Variants in ABHD18 observed in about 807,000 individuals in gnomAD.
ABHD18 encodes abhydrolase domain containing 18.
A neutral mutation model predicts 65.9 loss-of-function variants in ABHD18; 55 were observed. The ratio of observed to expected loss-of-function variants is 0.84; its 90% confidence interval spans 0.67 to 1.05. The LOEUF (loss-of-function observed/expected upper bound fraction) is 1.05, where lower values mean the gene tolerates loss of function less well. Ranked by LOEUF, ABHD18 falls within the 50% of genes least tolerant of loss-of-function variation. The probability of loss-of-function intolerance (pLI) is 0.00; values close to 1 mark genes in which losing one functional copy is unlikely to be tolerated. For synonymous variants in ABHD18, 181 were observed against 180.2 expected, an observed-to-expected ratio of 1.00 and a Z score of -0.04; for missense variants, 533 against 558.5, an observed-to-expected ratio of 0.95 and a Z score of 0.46.
At chr4:128,023,672 A>G (rs1237381780) in intron 10 of ABHD18, among the ~76,000 whole-genome samples, 1 of 151,986 alleles carries the variant, frequency 6.6e-6, no homozygotes, top group Admixed American at 6.6e-5. Flanking sequence ...CGAGGTCAGG[A>G]GATCGAGACC....
chr4:128,016,499 G>T (rs1279422879), intron 7 of ABHD18, among the ~76,000 whole-genome samples: 1 of 152,086 alleles, frequency 6.6e-6, no homozygotes, highest in Non-Finnish European at 1.5e-5. Flanking sequence ...TTAAGACTGG[G>T]CGTGGTGGCT....
intron 1 of ABHD18, among the ~76,000 whole-genome samples, chr4:127,973,817 CAAAAAAAAAAA>C (rs57170719): frequency 3.6e-4 from 6 of 16,610 alleles, no homozygotes; most frequent in Non-Finnish European, 8.3e-4. Flanking sequence ...TGATGAACAG[CAAAAAAAAAAA>C]AAAAAAAAAA....
At chr4:127,976,212 C>A (rs1437939903) in intron 1 of ABHD18, among the ~76,000 whole-genome samples, 2 of 152,072 alleles carry the variant, frequency 1.3e-5, no homozygotes, top group Non-Finnish European at 2.9e-5. Flanking sequence ...GATTTTCTAA[C>A]CCAGGGGTCA....
chr4:127,988,104 G>A (rs1362665604), intron 3 of ABHD18, among the ~76,000 whole-genome samples: 2 of 152,200 alleles, frequency 1.3e-5, no homozygotes, highest in Admixed American at 1.3e-4. Context: ...ATAACTTGTA[G>A]AAATATATGG....
In ABHD18 at chr4:127,986,827, A is replaced by G. The variant is rs1263524047; in HGVS notation, c.177+2404A>G. On this transcript the variant is annotated intron_variant, in intron 3 of 12. Transcript: ENST00000645843. ...ACATCTTTTCAAGTGTGAATTGGCC[A>G]TTTATATACCTTCTTTGGAGAACTG... 3.9e-5 allele frequency among the ~76,000 whole-genome samples: 6 copies of G among 152,174 alleles called. No individual in the cohort carries two copies. The South Asian group carries it at 1.2e-3, about 31-fold the overall frequency.
intron 8 of ABHD18, 73 bp from the exon 9 acceptor site, chr4:128,020,007 T>A: frequency 1.0e-6 from 1 of 979,676 alleles, no homozygotes; most frequent in South Asian, 1.8e-5. Flanking sequence ...CACGGAATGC[T>A]TATTAATATT....
At chr4:128,002,242 T>A (rs1408657181) in intron 4 of ABHD18, among the ~76,000 whole-genome samples, 21 of 151,144 alleles carry the variant, frequency 1.4e-4, no homozygotes, top group Admixed American at 1.4e-3. Context: ...GACACTGCAC[T>A]CCAGCCTGGG....
intron 10 of ABHD18, among the ~76,000 whole-genome samples, chr4:128,023,021 G>A (rs1285854545): frequency 3.3e-5 from 5 of 151,758 alleles, no homozygotes; most frequent in African/African-American, 7.3e-5. Flanking sequence ...CACCTGCCTC[G>A]GCCTCCCAGA....
chr4:127,974,188 GTTTTTTTTTTTTTTT>G (rs34967150), intron 1 of ABHD18, among the ~76,000 whole-genome samples: 1 of 101,488 alleles, frequency 9.9e-6, no homozygotes, highest in South Asian at 3.5e-4. Context: ...CTTAAGTTCT[GTTTTTTTTTTTTTTT>G]TTTTTTTTTT....
chr4:128,000,448 AT>A (rs1752476801), intron 4 of ABHD18, among the ~76,000 whole-genome samples: 1 of 152,008 alleles, frequency 6.6e-6, no homozygotes, highest in Admixed American at 6.6e-5. Context: ...GTGTGGCTTT[AT>A]TTCTGCATTC....
In ABHD18 at chr4:128,037,281, GC is replaced by G. The variant is rs1758969614; in HGVS notation, c.*1469del. 1 of 152,160 alleles carries G rather than the reference GC, an allele frequency of 6.6e-6. No homozygotes were observed. The highest frequency in any genetic ancestry group is 2.1e-4 in the South Asian group (1 of 4,828). 9.4% of individuals were successfully genotyped at this position (152,160 alleles called of 1,614,324 possible). ...ACTGCACTCCAGCCTAGGAGAAGGA[GC>G]AAGACTCTGTCTCAAAACAAAACAA... On this transcript the variant is annotated 3_prime_UTR_variant, in exon 13 of 13. Coordinates refer to ENST00000645843, the MANE Select transcript of ABHD18 (RefSeq NM_001358451.3).
At chr4:128,025,199 T>A (rs1023748953) in intron 10 of ABHD18, among the ~76,000 whole-genome samples, 6 of 152,180 alleles carry the variant, frequency 3.9e-5, no homozygotes, top group Non-Finnish European at 7.3e-5. Flanking sequence ...GAACTTTTTT[T>A]ATCTTTTTCT....
chr4:128,002,150 C>T (rs1752756149), intron 4 of ABHD18, among the ~76,000 whole-genome samples: 1 of 152,086 alleles, frequency 6.6e-6, no homozygotes, highest in Non-Finnish European at 1.5e-5. Flanking sequence ...TGGCAGGCAC[C>T]TGTAATCTCA....
intron 1 of ABHD18, among the ~76,000 whole-genome samples, chr4:127,976,596 CTT>C (rs1747971333): frequency 6.6e-6 from 1 of 152,072 alleles, no homozygotes; most frequent in Non-Finnish European, 1.5e-5. Flanking sequence ...CTCCTCTAGT[CTT>C]TTTATAGCAT....
chr4:128,007,778 T>C (rs1356262902), intron 4 of ABHD18, among the ~76,000 whole-genome samples: 1 of 151,770 alleles, frequency 6.6e-6, no homozygotes, highest in African/African-American at 2.4e-5. Flanking sequence ...GAAAACTATC[T>C]GTGCGTTTGT....
chr4:127,970,222 G>T (rs1746466916), intron 1 of ABHD18, among the ~76,000 whole-genome samples: 1 of 152,058 alleles, frequency 6.6e-6, no homozygotes, highest in Non-Finnish European at 1.5e-5. Context: ...TACTATTGTG[G>T]ATTCTACTTA....
chr4:128,038,157 T>C lies in ABHD18; in HGVS notation c.*2344T>C, dbSNP rs1759044940. The C allele has an allele frequency of 6.6e-6, 1 of 152,332 alleles. No homozygotes were observed. The highest frequency in any genetic ancestry group is 2.4e-5 in the African/African-American group (1 of 41,592). The allele number at this position is 152,332 out of a possible 1,614,324, so 9.4% of individuals were successfully genotyped here. A position where few individuals can be genotyped will look rare whatever the true frequency, so the allele number is the denominator to read the frequency against. Reference sequence around the variant, plus strand: ...ATTATTAATGTGAAGTTATTGATGGTAGACAAAGTAGTAACTTCTTTCAAA... The same window carrying C: ...ATTATTAATGTGAAGTTATTGATGGCAGACAAAGTAGTAACTTCTTTCAAA... On this transcript the variant is annotated 3_prime_UTR_variant, in exon 13 of 13. Coordinates refer to ENST00000645843, the MANE Select transcript of ABHD18 (RefSeq NM_001358451.3).
At chr4:128,024,330 G>C (rs886539363) in intron 10 of ABHD18, among the ~76,000 whole-genome samples, 1 of 152,148 alleles carries the variant, frequency 6.6e-6, no homozygotes, top group African/African-American at 2.4e-5. Flanking sequence ...TATGAGAGCA[G>C]AACCTTCATG....
intron 10 of ABHD18, among the ~76,000 whole-genome samples, chr4:128,023,652 G>A (rs1458054505): frequency 6.6e-6 from 1 of 151,588 alleles, no homozygotes; most frequent in Non-Finnish European, 1.5e-5. Context: ...AGGCCGAGGA[G>A]GGCAGATCAC....
Sources: allele counts gnomAD v4.1 joint callset (sites outside exome capture counted in the v4.1 genomes callset), GRCh38; gene constraint gnomAD v4.1.1; transcripts MANE v1.5; gene names NCBI Gene and HGNC (gene_info 2026-07-23, HGNC 2026-07-21).